The following LRRTM4 variants were observed in gnomAD, a reference collection of about 807,000 sequenced individuals.
The protein encoded by LRRTM4 is leucine-rich repeat transmembrane neuronal protein 4.
A neutral mutation model predicts 47.6 loss-of-function variants in LRRTM4; 25 were observed. That is an observed-to-expected ratio of 0.53 (90% CI 0.38 to 0.73). The LOEUF is 0.73. Among genes scored for constraint, LRRTM4 ranks in the 30% least tolerant of loss-of-function variants. The pLI is 0.00. For missense variants in LRRTM4, 638 were observed against 713.4 expected (o/e 0.89, Z 1.20); for synonymous variants, 311 against 269.5 (o/e 1.15, Z -1.51).
intron 3 of LRRTM4, among the ~76,000 whole-genome samples, chr2:77,428,989 G>A (rs1031033906): frequency 1.3e-5 from 2 of 152,184 alleles, no homozygotes; most frequent in Non-Finnish European, 2.9e-5. Context: ...CCTTTACTGG[G>A]TAGGAAAGTT....
intron 3 of LRRTM4, among the ~76,000 whole-genome samples, chr2:76,932,719 T>C (rs1383292270): frequency 1.3e-5 from 2 of 152,122 alleles, no homozygotes; most frequent in African/African-American, 4.8e-5. Context: ...TGTTCATATA[T>C]TCATAGACAC....
intron 3 of LRRTM4, among the ~76,000 whole-genome samples, chr2:77,045,824 A>G (rs1046545121): frequency 1.5e-4 from 23 of 151,974 alleles, no homozygotes; most frequent in Non-Finnish European, 2.8e-4. Context: ...GGACAAGCAC[A>G]GCATTTTTTT....
intron 3 of LRRTM4, among the ~76,000 whole-genome samples, chr2:77,449,383 A>G (rs926021340): frequency 2.0e-5 from 3 of 152,188 alleles, no homozygotes; most frequent in Non-Finnish European, 4.4e-5. Flanking sequence ...TGATACGAGA[A>G]TTGTGAAAAG....
At chr2:76,781,216 GC>G (rs1674367379) in intron 3 of LRRTM4, among the ~76,000 whole-genome samples, 3 of 152,246 alleles carry the variant, frequency 2.0e-5, no homozygotes, top group African/African-American at 7.2e-5. Flanking sequence ...GTTTGTCTGT[GC>G]CCTGCCCCCA....
At chr2:76,802,151 T>G (rs72815448) in intron 3 of LRRTM4, among the ~76,000 whole-genome samples, 23,830 of 151,246 alleles carry the variant, frequency 0.16, 2,018 homozygotes, top group African/African-American at 0.2. Flanking sequence ...AGAATAAAAG[T>G]CATCTAAACT....
chr2:77,280,947 C>G (rs1400380388), intron 3 of LRRTM4, among the ~76,000 whole-genome samples: 1 of 151,918 alleles, frequency 6.6e-6, no homozygotes, highest in African/African-American at 2.4e-5. Flanking sequence ...AATCCATCCC[C>G]TGTCTGTAGT....
intron 3 of LRRTM4, among the ~76,000 whole-genome samples, chr2:77,140,949 G>A (rs1330842544): frequency 6.6e-6 from 1 of 152,088 alleles, no homozygotes; most frequent in African/African-American, 2.4e-5. Flanking sequence ...TTAGAATGGT[G>A]ATCATTAAAA....
intron 3 of LRRTM4, among the ~76,000 whole-genome samples, chr2:76,990,724 G>GTTTTC (rs1460617345): frequency 5.3e-5 from 8 of 151,582 alleles, no homozygotes; most frequent in African/African-American, 1.5e-4. Flanking sequence ...ACCACTGATA[G>GTTTTC]TGCATAGGCA....
At chr2:77,483,118 C>CAAAAAAAAAAAAAAAAAAAAAA (rs776265725) in intron 3 of LRRTM4, among the ~76,000 whole-genome samples, 2 of 60,580 alleles carry the variant, frequency 3.3e-5, no homozygotes, top group Non-Finnish European at 5.6e-5. Flanking sequence ...AAGACTGTCT[C>CAAAAAAAAAAAAAAAAAAAAAA]AAAAAAAAAA....
At chr2:77,071,511 A>T (rs114015396) in intron 3 of LRRTM4, among the ~76,000 whole-genome samples, 3,422 of 152,272 alleles carry the variant, frequency 0.022, 54 homozygotes, top group Admixed American at 0.031. Flanking sequence ...ACTAAATTAG[A>T]ATCTTGCTCC....
At chr2:77,258,003 GA>G (rs1287852421) in intron 3 of LRRTM4, among the ~76,000 whole-genome samples, 1 of 151,716 alleles carries the variant, frequency 6.6e-6, no homozygotes, top group Non-Finnish European at 1.5e-5. Flanking sequence ...GGCTGAGGCA[GA>G]AAAATTGCTT....
intron 3 of LRRTM4, among the ~76,000 whole-genome samples, chr2:76,893,103 C>T (rs1673306823): frequency 6.7e-6 from 1 of 150,338 alleles, no homozygotes; most frequent in African/African-American, 2.4e-5. Flanking sequence ...AACCTGACCA[C>T]GTAATTTGAA....
chr2:77,335,965 A>G (rs918637271), intron 3 of LRRTM4, among the ~76,000 whole-genome samples: 34 of 152,120 alleles, frequency 2.2e-4, no homozygotes, highest in African/African-American at 8.2e-4. Flanking sequence ...CAATACAAAA[A>G]TGAATGGGAG....
At chr2:76,966,903 T>C (rs1416010008) in intron 3 of LRRTM4, among the ~76,000 whole-genome samples, 1 of 151,502 alleles carries the variant, frequency 6.6e-6, no homozygotes, top group Non-Finnish European at 1.5e-5. Context: ...TTCATCTGGG[T>C]CCTTAAATAT....
At chr2:76,807,469 TAC>T (rs1553412701) in intron 3 of LRRTM4, among the ~76,000 whole-genome samples, 1,418 of 69,732 alleles carry the variant, frequency 0.02, 43 homozygotes, top group African/African-American at 0.075. Flanking sequence ...CATATATATA[TAC>T]ATATATATAT....
chr2:77,499,234 C>T lies in LRRTM4; in HGVS notation c.1551+19084G>A, dbSNP rs76405394. Among the ~76,000 whole-genome samples the T allele has an allele frequency of 2.2e-3, 338 of 152,020 alleles. 1 individual carries two copies. The highest frequency in any genetic ancestry group is 2.8e-3 in the Non-Finnish European group (190 of 67,876). On this transcript the variant is annotated intron_variant, in intron 3 of 3. Coordinates refer to ENST00000409884, the MANE Select transcript of LRRTM4 (RefSeq NM_001134745.3). ...CCACAATGCTCAGGACAGATCTCAG[C>T]CCCCACCAATTACCTGGTCCGAAAT...
intron 3 of LRRTM4, among the ~76,000 whole-genome samples, chr2:77,165,901 A>G (rs1297061492): frequency 1.3e-5 from 2 of 152,236 alleles, no homozygotes; most frequent in Admixed American, 1.3e-4. Context: ...AAACTGGCCC[A>G]AGACAGGGAT....
At chr2:76,841,759 A>C (rs953267781) in intron 3 of LRRTM4, among the ~76,000 whole-genome samples, 4 of 152,010 alleles carry the variant, frequency 2.6e-5, no homozygotes, top group African/African-American at 7.2e-5. Flanking sequence ...AAAGTATATA[A>C]AAATGAAAGA....
chr2:77,360,228 T>C (rs1672132390), intron 3 of LRRTM4, among the ~76,000 whole-genome samples: 2 of 151,922 alleles, frequency 1.3e-5, no homozygotes, highest in South Asian at 4.1e-4. Context: ...CAAGCCGAGG[T>C]GGGCGAATCA....
Sources: allele counts gnomAD v4.1 joint callset (sites outside exome capture counted in the v4.1 genomes callset), GRCh38; gene constraint gnomAD v4.1.1; transcripts MANE v1.5; gene names NCBI Gene and HGNC (gene_info 2026-07-23, HGNC 2026-07-21).